Variants in TMEM38B observed in about 807,000 individuals in gnomAD.
TMEM38B encodes transmembrane protein 38B.
A neutral mutation model predicts 28.7 loss-of-function variants in TMEM38B; 24 were observed. The ratio of observed to expected loss-of-function variants is 0.84; its 90% confidence interval spans 0.61 to 1.18. The LOEUF (loss-of-function observed/expected upper bound fraction) is 1.18, where lower values mean the gene tolerates loss of function less well. Ranked by LOEUF, TMEM38B falls within the 50% of genes most tolerant of loss-of-function variation. The pLI, the probability that TMEM38B is intolerant of heterozygous loss-of-function variation, is 0.00. For missense variants in TMEM38B, 380 were observed against 350.9 expected, an observed-to-expected ratio of 1.08 and a Z score of -0.66; for synonymous variants, 131 against 127.7, an observed-to-expected ratio of 1.03 and a Z score of -0.17.
At chr9:105,732,348 A>G (rs903913434) in intron 4 of TMEM38B, among the ~76,000 whole-genome samples, 10 of 152,104 alleles carry the variant, frequency 6.6e-5, no homozygotes, top group African/African-American at 2.4e-4. Context: ...TTTTGTTGCC[A>G]TTGCTTTTGG....
rs1350369287 is a variant in TMEM38B, at chr9:105,715,977, C to A, written c.270-5560C>A. On this transcript the variant is annotated intron_variant, in intron 2 of 5. Coordinates refer to ENST00000374692, the MANE Select transcript of TMEM38B (RefSeq NM_018112.3). ...TTTGGTCATTTTTATATGAAATTGG[C>A]TTTCATAAACTTGCAGAATGTGGTG... 3.3e-5 allele frequency among the ~76,000 whole-genome samples: 5 copies of A among 152,208 alleles called. No homozygotes were observed. In the East Asian group the frequency reaches 9.6e-4, roughly 29 times the overall value.
chr9:105,694,629 G>C lies in TMEM38B; in HGVS notation c.-32G>C, dbSNP rs1784632268. The C allele has an allele frequency of 1.9e-6, 3 of 1,587,792 alleles. No individual in the cohort carries two copies. The highest frequency in any genetic ancestry group is 2.6e-6 in the Non-Finnish European group (3 of 1,157,454). On this transcript the variant is annotated 5_prime_UTR_variant, in exon 1 of 6. Coordinates refer to ENST00000374692, the MANE Select transcript of TMEM38B (RefSeq NM_018112.3). ...GCGAGCGCGGGGAACCAGTAGCCGC[G>C]GCTGCTTCGGTTGCCGCGGTCGGTG...
intron 1 of TMEM38B, among the ~76,000 whole-genome samples, chr9:105,697,748 A>G (rs1286278601): frequency 6.6e-6 from 1 of 152,024 alleles, no homozygotes; most frequent in African/African-American, 2.4e-5. Flanking sequence ...AAATCTCATA[A>G]TATTTTTACT....
In TMEM38B at chr9:105,719,764, C is replaced by T. The variant is rs535691254; in HGVS notation, c.270-1773C>T. 5.9e-5 allele frequency among the ~76,000 whole-genome samples: 9 copies of T among 152,122 alleles called. No homozygotes were observed. In the South Asian group the frequency reaches 1.5e-3, roughly 25 times the overall value. ...TGTAATAGTATAGGTTTTTAACTCA[C>T]GTTAAAGTTAGGCTTAGTGTAAGGA... is the stretch of plus-strand genomic sequence containing the variant. On this transcript the variant is annotated intron_variant, in intron 2 of 5. Transcript: ENST00000374692.
chr9:105,755,675 G>T (rs543553284), intron 5 of TMEM38B, among the ~76,000 whole-genome samples: 5 of 152,212 alleles, frequency 3.3e-5, no homozygotes, highest in African/African-American at 7.2e-5. Context: ...TAACAATAAG[G>T]TTTCCAATTC....
At chr9:105,761,367 AAT>A (rs967325976) in intron 5 of TMEM38B, among the ~76,000 whole-genome samples, 78 of 152,122 alleles carry the variant, frequency 5.1e-4, no homozygotes, top group African/African-American at 1.8e-3. Context: ...TCATTTGTTT[AAT>A]ATATATATGT....
At chr9:105,768,003 T>G (rs1588478970) in intron 5 of TMEM38B, among the ~76,000 whole-genome samples, 1 of 152,258 alleles carries the variant, frequency 6.6e-6, no homozygotes, top group African/African-American at 2.4e-5. Context: ...TTTGTTTTGT[T>G]TGTGACCTTA....
chr9:105,706,396 G>C (rs1483913337), intron 2 of TMEM38B, among the ~76,000 whole-genome samples: 2 of 152,240 alleles, frequency 1.3e-5, no homozygotes, highest in African/African-American at 4.8e-5. Context: ...AGAGAGACCA[G>C]TATGCGTGAA....
intron 5 of TMEM38B, among the ~76,000 whole-genome samples, chr9:105,755,981 A>C (rs1837816448): frequency 6.6e-6 from 1 of 152,176 alleles, no homozygotes; most frequent in South Asian, 2.1e-4. Flanking sequence ...CTGTAATCCT[A>C]GCACTTTGGG....
At chr9:105,730,174 G>A (rs772003149) in intron 4 of TMEM38B, among the ~76,000 whole-genome samples, 9 of 151,974 alleles carry the variant, frequency 5.9e-5, no homozygotes, top group African/African-American at 9.7e-5. Flanking sequence ...AAGGGAATGC[G>A]TCCAGTTTTT....
intron 4 of TMEM38B, among the ~76,000 whole-genome samples, chr9:105,736,922 G>A (rs10978226): frequency 0.11 from 17,460 of 152,216 alleles, 1,497 homozygotes; most frequent in East Asian, 0.46. Flanking sequence ...GCTTGTGGCA[G>A]CAGTACTGGC....
chr9:105,736,432 C>G (rs1201265379), intron 4 of TMEM38B, among the ~76,000 whole-genome samples: 1 of 151,894 alleles, frequency 6.6e-6, no homozygotes, highest in Non-Finnish European at 1.5e-5. Flanking sequence ...TTCTTCAGCT[C>G]CAAGATTTTT....
Position 105,705,765 on chromosome 9 carries a change from G to A in TMEM38B, c.269+12G>A. ...GCATCTTCAATCTGGTAAGCTGCCA[G>A]TATGGTGACCTATGTGACATTTAAA... On this transcript the variant is annotated intron_variant, in intron 2 of 5. Coordinates refer to ENST00000374692, the MANE Select transcript of TMEM38B (RefSeq NM_018112.3). 6.2e-7 allele frequency: 1 copy of A among 1,609,760 alleles called. No homozygotes were observed. Among genetic ancestry groups the A allele is most frequent in the Non-Finnish European group, 8.5e-7 (1 of 1,178,576 alleles).
intron 2 of TMEM38B, among the ~76,000 whole-genome samples, chr9:105,713,881 G>A (rs1306805373): frequency 4.3e-5 from 6 of 139,286 alleles, no homozygotes; most frequent in Non-Finnish European, 9.2e-5. Context: ...AGTAGGAAGA[G>A]TTGACTGGCC....
At chr9:105,739,953 G>A (rs1837134460) in intron 4 of TMEM38B, among the ~76,000 whole-genome samples, 1 of 151,772 alleles carries the variant, frequency 6.6e-6, no homozygotes, top group Non-Finnish European at 1.5e-5. Flanking sequence ...TGCGATCTTG[G>A]CTTACTGCAC....
intron 4 of TMEM38B, among the ~76,000 whole-genome samples, chr9:105,729,430 A>G (rs534428413): frequency 3.0e-4 from 46 of 152,214 alleles, no homozygotes; most frequent in African/African-American, 1.1e-3. Context: ...GTTCTGTTCC[A>G]TTGGTCTACA....
At chr9:105,712,078 C>T (rs574533260) in intron 2 of TMEM38B, among the ~76,000 whole-genome samples, 1 of 152,204 alleles carries the variant, frequency 6.6e-6, no homozygotes, top group East Asian at 1.9e-4. Flanking sequence ...CTATGCCCAG[C>T]TAATTTTTCT....
intron 5 of TMEM38B, among the ~76,000 whole-genome samples, chr9:105,757,539 G>A (rs1837875290): frequency 6.6e-6 from 1 of 151,186 alleles, no homozygotes; most frequent in African/African-American, 2.4e-5. Flanking sequence ...GTGTAAAAGT[G>A]TTCCCTTTTC....
intron 5 of TMEM38B, among the ~76,000 whole-genome samples, chr9:105,749,764 C>G (rs1372744236): frequency 2.6e-5 from 4 of 152,152 alleles, no homozygotes; most frequent in African/African-American, 9.7e-5. Context: ...TTTATCCATT[C>G]ATCAGTTGAT....
Sources: allele counts gnomAD v4.1 joint callset (sites outside exome capture counted in the v4.1 genomes callset), GRCh38; gene constraint gnomAD v4.1.1; transcripts MANE v1.5; gene names NCBI Gene and HGNC (gene_info 2026-07-23, HGNC 2026-07-21).